RIGI: variants seen among roughly 807,000 people sequenced by gnomAD.
RIGI encodes antiviral innate immune response receptor RIG-I.
the RIGI span, among the ~76,000 whole-genome samples, chr9:32,502,547 T>C: frequency 6.6e-6 from 1 of 152,232 alleles, no homozygotes; most frequent in Non-Finnish European, 1.5e-5. Context: ...TAGCCTTCTG[T>C]ATTAGTTTCC....
At chr9:32,485,238 A>G in the RIGI span, 1 of 1,606,946 alleles carries the variant, frequency 6.2e-7, no homozygotes, top group East Asian at 2.2e-5. Context: ...GCTATGATGT[A>G]TTTAAATTTG....
chr9:32,493,714 C>A, the RIGI span: 1 of 1,266,470 alleles, frequency 7.9e-7, no homozygotes, highest in African/African-American at 1.5e-5. Context: ...AAGACCTTCC[C>A]ATGTTATAAT....
At chr9:32,479,081 A>C in the RIGI span, among the ~76,000 whole-genome samples, 3 of 152,200 alleles carry the variant, frequency 2.0e-5, no homozygotes, top group Non-Finnish European at 4.4e-5. Context: ...ACATTAATGA[A>C]ACTATATACC....
chr9:32,479,653 A>G, the RIGI span, among the ~76,000 whole-genome samples: 2 of 152,050 alleles, frequency 1.3e-5, no homozygotes, highest in Non-Finnish European at 2.9e-5. Context: ...TCTGGCCAAC[A>G]TGGCAAAACT....
At chr9:32,506,038 GA>G in the RIGI span, among the ~76,000 whole-genome samples, 2 of 152,076 alleles carry the variant, frequency 1.3e-5, no homozygotes, top group Non-Finnish European at 2.9e-5. Context: ...CCAACATGGT[GA>G]AACCCCCATC....
At chr9:32,481,556 A>G in the RIGI span, 3 of 1,233,292 alleles carry the variant, frequency 2.4e-6, no homozygotes, top group Admixed American at 5.4e-5. Flanking sequence ...ATTTAGGGTT[A>G]TAAACAGGCC....
chr9:32,493,927 T>A, the RIGI span: 3 of 1,603,672 alleles, frequency 1.9e-6, no homozygotes, highest in Non-Finnish European at 2.5e-6. Context: ...AATGGCTTCA[T>A]AAAGTCCAGA....
chr9:32,524,596 G>GTTTCT, the RIGI span, among the ~76,000 whole-genome samples: 1 of 67,578 alleles, frequency 1.5e-5, no homozygotes, highest in Non-Finnish European at 2.8e-5. Context: ...TTGTTTTTCG[G>GTTTCT]TTTTTTTTTT....
chr9:32,480,229 CT>C, the RIGI span: 1 of 1,596,776 alleles, frequency 6.3e-7, no homozygotes, highest in South Asian at 1.1e-5. Flanking sequence ...CTTCAAATCT[CT>C]GAGTAAGATC....
At chr9:32,493,689 C>A in the RIGI span, 5 of 998,394 alleles carry the variant, frequency 5.0e-6, no homozygotes, top group Non-Finnish European at 7.3e-6. Context: ...AGGTCTAAAA[C>A]AGTATAGAAA....
the RIGI span, among the ~76,000 whole-genome samples, chr9:32,522,807 T>G: frequency 2.0e-5 from 3 of 152,130 alleles, no homozygotes; most frequent in African/African-American, 7.2e-5. Context: ...GATCCAGGAA[T>G]TGATAAATAG....
At chr9:32,499,406 C>A in the RIGI span, among the ~76,000 whole-genome samples, 3 of 145,948 alleles carry the variant, frequency 2.1e-5, no homozygotes, top group African/African-American at 7.6e-5. Context: ...TTCGTACCCA[C>A]ATGGGCATAA....
chr9:32,463,251 C>G, the RIGI span, among the ~76,000 whole-genome samples: 1 of 152,234 alleles, frequency 6.6e-6, no homozygotes, highest in African/African-American at 2.4e-5. Flanking sequence ...TGTTTTTAAT[C>G]CAATTTTTCA....
the RIGI span, chr9:32,457,482 TTA>T: frequency 4.5e-6 from 5 of 1,105,712 alleles, no homozygotes; most frequent in South Asian, 1.1e-4. Flanking sequence ...TAATTGTGAT[TTA>T]AAAAAAAAAA....
At chr9:32,477,577 T>G in the RIGI span, among the ~76,000 whole-genome samples, 1 of 152,138 alleles carries the variant, frequency 6.6e-6, no homozygotes, top group Non-Finnish European at 1.5e-5. Context: ...AAAAATATTT[T>G]AAGGTTAAAA....
the RIGI span, among the ~76,000 whole-genome samples, chr9:32,513,323 AC>A: frequency 6.6e-6 from 1 of 152,220 alleles, no homozygotes; most frequent in African/African-American, 2.4e-5. Context: ...TTCAAACTAT[AC>A]TACAAGGCTA....
chr9:32,525,458 G>C, the RIGI span, among the ~76,000 whole-genome samples: 1 of 152,056 alleles, frequency 6.6e-6, no homozygotes, highest in Non-Finnish European at 1.5e-5. Context: ...AAAGTAATTC[G>C]ATACAAATTT....
At chr9:32,522,506 G>C in the RIGI span, among the ~76,000 whole-genome samples, 1 of 152,170 alleles carries the variant, frequency 6.6e-6, no homozygotes, top group South Asian at 2.1e-4. Context: ...TTCCAGCAAA[G>C]CCAATTAGGA....
At chr9:32,463,671 G>GT in the RIGI span, among the ~76,000 whole-genome samples, 19 of 151,982 alleles carry the variant, frequency 1.3e-4, no homozygotes, top group Non-Finnish European at 2.1e-4. Context: ...CCAATCATAA[G>GT]TTAAGTCTAT....
Sources: allele counts gnomAD v4.1 joint callset (sites outside exome capture counted in the v4.1 genomes callset), GRCh38; gene constraint gnomAD v4.1.1; transcripts MANE v1.5; gene names NCBI Gene and HGNC (gene_info 2026-07-23, HGNC 2026-07-21).